Variants in KIRREL3 observed in about 807,000 individuals in gnomAD.
KIRREL3 encodes kirre like nephrin family adhesion molecule 3.
Under a neutral mutation model 89.7 loss-of-function variants are expected in KIRREL3, and 36 were observed. The ratio of observed to expected loss-of-function variants is 0.40; its 90% confidence interval spans 0.31 to 0.53. The LOEUF (loss-of-function observed/expected upper bound fraction) is 0.53, where lower values mean the gene tolerates loss of function less well. Among genes scored for constraint, KIRREL3 ranks in the 20% least tolerant of loss-of-function variants. The probability of loss-of-function intolerance (pLI) is 0.49; values close to 1 mark genes in which losing one functional copy is unlikely to be tolerated. For missense variants in KIRREL3, 864 were observed against 1,056.6 expected (o/e 0.82, Z 2.53); for synonymous variants, 445 against 441.4 (o/e 1.01, Z -0.10).
chr11:126,578,873 C>T lies in KIRREL3; in HGVS notation c.56-15961G>A, dbSNP rs564451414. On this transcript the variant is annotated intron_variant, in intron 1 of 16. Coordinates refer to ENST00000525144, the MANE Select transcript of KIRREL3 (RefSeq NM_032531.4). This position sits in a 1 kb window ranked among gnomAD's most constrained non-coding sequence, Gnocchi z 4.9. ...AAGCCATCACGTATTGACCATCTGTCAGCAAGTATCTACCCTGCAAAATAC... is the reference window on the plus strand; with the variant it reads ...AAGCCATCACGTATTGACCATCTGTTAGCAAGTATCTACCCTGCAAAATAC... 2.6e-5 allele frequency among the ~76,000 whole-genome samples: 4 copies of T among 152,288 alleles called. No homozygotes were observed. The highest frequency in any genetic ancestry group is 9.6e-5 in the African/African-American group (4 of 41,558).
intron 1 of KIRREL3, among the ~76,000 whole-genome samples, chr11:126,592,313 T>A (rs928567718): frequency 1.3e-5 from 2 of 152,238 alleles, no homozygotes; most frequent in Non-Finnish European, 2.9e-5. Context: ...CCTATAATAC[T>A]ATGTCTTATT....
chr11:126,971,195 T>C (rs1366441689), intron 1 of KIRREL3, among the ~76,000 whole-genome samples: 2 of 152,118 alleles, frequency 1.3e-5, no homozygotes, highest in African/African-American at 2.4e-5. Flanking sequence ...TGAATAAACA[T>C]TATGAAAAGG....
Position 127,000,153 on chromosome 11 carries a change from T to A in KIRREL3, c.55+302A>T, listed in dbSNP as rs952379922. Among the ~76,000 whole-genome samples the A allele has an allele frequency of 2.3e-4, 35 of 152,148 alleles. No homozygotes were observed. The highest frequency in any genetic ancestry group is 8.2e-4 in the African/African-American group (34 of 41,430). On this transcript the variant is annotated intron_variant, in intron 1 of 16. Coordinates refer to ENST00000525144, the MANE Select transcript of KIRREL3 (RefSeq NM_032531.4). The surrounding 1 kb of genome is among the most constrained non-coding windows in gnomAD (Gnocchi z 7.1). ...CATAACCACAGAGATACTACCTAAT[T>A]AACATACCAGAAGCATAAAGAACTC...
chr11:126,778,966 G>A lies in KIRREL3; in HGVS notation c.56-216054C>T, dbSNP rs1434254079. On this transcript the variant is annotated intron_variant, in intron 1 of 16. Coordinates refer to ENST00000525144, the MANE Select transcript of KIRREL3 (RefSeq NM_032531.4). The surrounding 1 kb of genome is among the most constrained non-coding windows in gnomAD (Gnocchi z 4.5). Reference sequence around the variant, plus strand: ...GGTAATACATGTAAGAGCACCTAGCGCGGAACTTGGAACACAGCAGAAACT... The same window carrying A: ...GGTAATACATGTAAGAGCACCTAGCACGGAACTTGGAACACAGCAGAAACT... Among the ~76,000 whole-genome samples, 3 of 152,252 alleles carry A rather than the reference G, an allele frequency of 2.0e-5. No homozygotes were observed. The East Asian group carries it at 5.8e-4, about 29-fold the overall frequency.
intron 1 of KIRREL3, among the ~76,000 whole-genome samples, chr11:126,637,513 C>T (rs1288853128): frequency 1.3e-5 from 2 of 152,146 alleles, no homozygotes; most frequent in African/African-American, 2.4e-5. Context: ...TGTCCAGAAC[C>T]CTGGTGGGCA....
At position 126,656,379 on chromosome 11, in the gene KIRREL3, T is replaced by C. The variant is rs1945139258; in HGVS notation, c.56-93467A>G. On this transcript the variant is annotated intron_variant, in intron 1 of 16. Coordinates refer to ENST00000525144, the MANE Select transcript of KIRREL3 (RefSeq NM_032531.4). This position sits in a 1 kb window ranked among gnomAD's most constrained non-coding sequence, Gnocchi z 4.0. ...TAAGCCTTCAAAATTATAATTGTTT[T>C]GTATGTTTTGGCAAGAAAATAGAAT... Among the ~76,000 whole-genome samples, 1 of 152,250 alleles carries C rather than the reference T, an allele frequency of 6.6e-6. No individual in the cohort carries two copies. Among genetic ancestry groups the C allele is most frequent in the Admixed American group, 6.5e-5 (1 of 15,284 alleles).
In KIRREL3 at chr11:126,553,729, C is replaced by A. The variant is rs2134546974; in HGVS notation, c.133+9106G>T. ...ATAGGGCTGTGCTCCACATGGGCATCCCATTAAAAGGCCAGGTTTCCATTG... is the reference window on the plus strand; with the variant it reads ...ATAGGGCTGTGCTCCACATGGGCATACCATTAAAAGGCCAGGTTTCCATTG... On this transcript the variant is annotated intron_variant, in intron 2 of 16. Coordinates refer to ENST00000525144, the MANE Select transcript of KIRREL3 (RefSeq NM_032531.4). This position sits in a 1 kb window ranked among gnomAD's most constrained non-coding sequence, Gnocchi z 4.7. Among the ~76,000 whole-genome samples, 1 of 152,300 alleles carries A rather than the reference C, an allele frequency of 6.6e-6. No individual in the cohort carries two copies.
Position 126,521,672 on chromosome 11 carries a change from CTGTATGTG to C in KIRREL3, c.284-216_284-209del, listed in dbSNP as rs1195915621. 3.0e-4 allele frequency among the ~76,000 whole-genome samples: 13 copies of C among 42,974 alleles called. No homozygotes were observed. The highest frequency in any genetic ancestry group is 1.1e-3 in the African/African-American group (6 of 5,516). The allele number at this position is 42,974 out of a possible 152,430, so 28.2% of individuals were successfully genotyped here. ...AGGTGTTGGTTCTCTCTCTCTCTCT[CTGTATGTG>C]TGTGTGTGTGTGTGTGTGTGTGTGT... On this transcript the variant is annotated intron_variant, in intron 3 of 16. Transcript: ENST00000525144. This position sits in a 1 kb window ranked among gnomAD's most constrained non-coding sequence, Gnocchi z 4.1.
In KIRREL3 at chr11:126,981,020, G is replaced by A. The variant is rs1271023471; in HGVS notation, c.55+19435C>T. On this transcript the variant is annotated intron_variant, in intron 1 of 16. Transcript: ENST00000525144. The surrounding 1 kb of genome is among the most constrained non-coding windows in gnomAD (Gnocchi z 4.2). ...CCTCAGTACTTAGCAATGAGAGATG[G>A]TATACTTAGATCTCTGTACCGTGGA... 1.3e-5 allele frequency among the ~76,000 whole-genome samples: 2 copies of A among 152,120 alleles called. No individual in the cohort carries two copies. Among genetic ancestry groups the A allele is most frequent in the Non-Finnish European group, 2.9e-5 (2 of 68,014 alleles).
In KIRREL3 at chr11:126,496,924, A is replaced by G. The variant is rs10750326; in HGVS notation, c.434-23458T>C. On this transcript the variant is annotated intron_variant, in intron 4 of 16. Coordinates refer to ENST00000525144, the MANE Select transcript of KIRREL3 (RefSeq NM_032531.4). This position sits in a 1 kb window ranked among gnomAD's most constrained non-coding sequence, Gnocchi z 4.9. ...TTCTTGGAGGCCAATGAGAGTGGGC[A>G]GAACTGAGCAATGGAGGAGGAGGCC... Among the ~76,000 whole-genome samples the G allele has an allele frequency of 0.88, 134,205 of 152,124 alleles. 59,259 individuals carry two copies. The highest frequency in any genetic ancestry group is 0.96 in the East Asian group (4,939 of 5,148).
chr11:126,962,974 C>T (rs1023031957), intron 1 of KIRREL3, among the ~76,000 whole-genome samples: 2 of 152,116 alleles, frequency 1.3e-5, no homozygotes, highest in Admixed American at 6.5e-5. Flanking sequence ...AGACATAATA[C>T]TATTAAACAC....
intron 2 of KIRREL3, among the ~76,000 whole-genome samples, chr11:126,534,032 A>G (rs898873843): frequency 1.3e-5 from 2 of 152,098 alleles, no homozygotes; most frequent in Non-Finnish European, 2.9e-5. Flanking sequence ...ACTTTTAATT[A>G]CTATCCAATG....
chr11:126,429,157 T>C lies in KIRREL3; in HGVS notation c.1806+22A>G. ...CTGGGAATGGAGTCACGGGATGGGA[T>C]GGGGCGTAATTGCATTCTTACCATC... On this transcript the variant is annotated intron_variant, in intron 15 of 16. Transcript: ENST00000525144. This position sits in a 1 kb window ranked among gnomAD's most constrained non-coding sequence, Gnocchi z 5.2. The C allele has an allele frequency of 1.4e-6, 2 of 1,465,068 alleles. No individual in the cohort carries two copies. Among genetic ancestry groups the C allele is most frequent in the Non-Finnish European group, 1.9e-6 (2 of 1,045,792 alleles). 90.8% of individuals were successfully genotyped at this position (1,465,068 alleles called of 1,614,324 possible).
intron 1 of KIRREL3, among the ~76,000 whole-genome samples, chr11:126,735,745 A>C (rs1367021246): frequency 6.6e-6 from 1 of 152,256 alleles, no homozygotes; most frequent in Non-Finnish European, 1.5e-5. Flanking sequence ...ACCAAACCAA[A>C]GAGGAGACAT....
rs544787401 is a variant in KIRREL3 at position 126,684,202 on chromosome 11, C to G, written c.56-121290G>C. 1.6e-3 allele frequency among the ~76,000 whole-genome samples: 245 copies of G among 152,292 alleles called. 6 individuals are homozygous for G. Among genetic ancestry groups the G allele is most frequent in the Admixed American group, 0.015 (222 of 15,302 alleles). ...GGTGTGTGCAATATGGTGGGAGGAG[C>G]CGGGCTGGAGGCTGCAGACTCTGCC... is the stretch of plus-strand genomic sequence containing the variant. On this transcript the variant is annotated intron_variant, in intron 1 of 16. Transcript: ENST00000525144. The surrounding 1 kb of genome is among the most constrained non-coding windows in gnomAD (Gnocchi z 4.2).
rs1957026225 is a variant in KIRREL3 at position 126,475,019 on chromosome 11, AC to A, written c.434-1554del. Among the ~76,000 whole-genome samples the A allele has an allele frequency of 1.3e-5, 2 of 152,110 alleles. No individual in the cohort carries two copies. Among genetic ancestry groups the A allele is most frequent in the African/African-American group, 4.8e-5 (2 of 41,416 alleles). ...CCTTACCCCAGGAGGAGCTGGGCCC[AC>A]CAGCTCTGGAGGCTGAGAGAGGCCC... On this transcript the variant is annotated intron_variant, in intron 4 of 16. Transcript: ENST00000525144. This position sits in a 1 kb window ranked among gnomAD's most constrained non-coding sequence, Gnocchi z 7.5.
At position 126,639,295 on chromosome 11, in the gene KIRREL3, T is replaced by C. The variant is rs1265016186; in HGVS notation, c.56-76383A>G. Among the ~76,000 whole-genome samples the C allele has an allele frequency of 6.6e-6, 1 of 152,250 alleles. No homozygotes were observed. Among genetic ancestry groups the C allele is most frequent in the Non-Finnish European group, 1.5e-5 (1 of 68,042 alleles). On this transcript the variant is annotated intron_variant, in intron 1 of 16. Coordinates refer to ENST00000525144, the MANE Select transcript of KIRREL3 (RefSeq NM_032531.4). The surrounding 1 kb of genome is among the most constrained non-coding windows in gnomAD (Gnocchi z 4.3). ...TTGACTGAATCAGGCCTGTCTCCAATGAAGATCTAGGCAGCTATTTGTATT... is the reference window on the plus strand; with the variant it reads ...TTGACTGAATCAGGCCTGTCTCCAACGAAGATCTAGGCAGCTATTTGTATT...
In KIRREL3 at chr11:126,645,472, C is replaced by G. The variant is rs74527058; in HGVS notation, c.56-82560G>C. On this transcript the variant is annotated intron_variant, in intron 1 of 16. Transcript: ENST00000525144. The surrounding 1 kb of genome is among the most constrained non-coding windows in gnomAD (Gnocchi z 4.9). ...TACAGGGTACCCTGCATTATGCAGA[C>G]TGAGAGCTCTAGAAATATTTGTGGC... Among the ~76,000 whole-genome samples, 934 of 152,220 alleles carry G rather than the reference C, an allele frequency of 6.1e-3. 15 individuals are homozygous for G. The highest frequency in any genetic ancestry group is 0.021 in the African/African-American group (889 of 41,516).
intron 1 of KIRREL3, among the ~76,000 whole-genome samples, chr11:126,911,459 C>T (rs1048224430): frequency 6.6e-6 from 1 of 152,134 alleles, no homozygotes; most frequent in Non-Finnish European, 1.5e-5. Flanking sequence ...ACTCTAGAAT[C>T]GAAGCTGCCC....
Sources: gnomAD v4.1 joint callset for allele counts (sites outside exome capture counted in the v4.1 genomes callset) on GRCh38, gnomAD v4.1.1 for gene constraint, Gnocchi (gnomAD v3.1) non-coding constraint, MANE v1.5 for transcripts, NCBI Gene and HGNC (gene_info 2026-07-23, HGNC 2026-07-21) for gene names.